LUZP2: variants seen among roughly 807,000 people sequenced by gnomAD.
LUZP2 encodes leucine zipper protein 2.
A neutral mutation model predicts 51.6 loss-of-function variants in LUZP2; 52 were observed. The ratio of observed to expected loss-of-function variants is 1.01; its 90% CI spans 0.81 to 1.27. The LOEUF (loss-of-function observed/expected upper bound fraction) is 1.27. LUZP2 is among the 50% of genes most tolerant of loss of function. The pLI is 0.00. For synonymous variants in LUZP2, 154 were observed against 137.3 expected (o/e 1.12, Z -0.85); for missense variants, 436 against 395.4 (o/e 1.10, Z -0.87).
chr11:24,871,900 T>C (rs1258054933), intron 5 of LUZP2, among the ~76,000 whole-genome samples: 1 of 152,142 alleles, frequency 6.6e-6, no homozygotes, highest in Non-Finnish European at 1.5e-5. Context: ...TATAATAGTA[T>C]ACAGTGATGT....
intron 6 of LUZP2, among the ~76,000 whole-genome samples, chr11:24,908,091 C>A (rs1375123882): frequency 6.6e-6 from 1 of 151,956 alleles, no homozygotes; most frequent in Non-Finnish European, 1.5e-5. Context: ...CCATCACTAC[C>A]AAAAACAAAA....
At chr11:24,728,474 AAC>A (rs1359107815) in intron 1 of LUZP2, among the ~76,000 whole-genome samples, 1 of 151,912 alleles carries the variant, frequency 6.6e-6, no homozygotes, top group African/African-American at 2.4e-5. Flanking sequence ...TAACTTTCTT[AAC>A]AGTCACCTGT....
chr11:24,805,988 G>T (rs1036999766), intron 5 of LUZP2, among the ~76,000 whole-genome samples: 1 of 152,262 alleles, frequency 6.6e-6, no homozygotes, highest in South Asian at 2.1e-4. Context: ...CAGAAAGCCT[G>T]TTGCAAAGAA....
intron 5 of LUZP2, chr11:24,891,287 A>T: frequency 1.0e-6 from 1 of 981,980 alleles, no homozygotes; most frequent in African/African-American, 1.7e-5. Flanking sequence ...TAGCAATTCT[A>T]CTTCTCTAAT....
chr11:24,954,823 A>G (rs770277926), intron 7 of LUZP2, among the ~76,000 whole-genome samples: 1 of 152,122 alleles, frequency 6.6e-6, no homozygotes, highest in African/African-American at 2.4e-5. Flanking sequence ...TCTACAAGAT[A>G]GTATAACATA....
At chr11:24,770,691 T>G (rs1860376158) in intron 5 of LUZP2, among the ~76,000 whole-genome samples, 1 of 152,236 alleles carries the variant, frequency 6.6e-6, no homozygotes, top group Admixed American at 6.5e-5. Context: ...AGGAATATGA[T>G]GAATAAAACA....
At chr11:25,018,010 T>C (rs958994522) in intron 9 of LUZP2, among the ~76,000 whole-genome samples, 3 of 150,682 alleles carry the variant, frequency 2.0e-5, no homozygotes, top group Non-Finnish European at 3.0e-5. Context: ...TGATTAAGTA[T>C]ATCCCTAGGT....
At chr11:24,599,756 A>G (rs1853558440) in intron 1 of LUZP2, among the ~76,000 whole-genome samples, 2 of 152,182 alleles carry the variant, frequency 1.3e-5, no homozygotes, top group Admixed American at 6.6e-5. Context: ...GCTGAGATAT[A>G]CTGAGATATT....
chr11:24,665,415 T>A lies in LUZP2; in HGVS notation c.63-63754T>A, dbSNP rs575062750. 2.6e-5 allele frequency among the ~76,000 whole-genome samples: 4 copies of A among 152,280 alleles called. No homozygotes were observed. In the South Asian group the frequency reaches 8.3e-4, roughly 32 times the overall value. The stretch of plus-strand genomic sequence containing the variant: ...TTGGACTTTTGAGTTAATGCTGGAA[T>A]GAGTTAAGACTTTGGGAGACTGTTG... On this transcript the variant is annotated intron_variant, in intron 1 of 11. Coordinates refer to ENST00000336930, the MANE Select transcript of LUZP2 (RefSeq NM_001009909.4).
chr11:24,725,124 A>G (rs1403155988), intron 1 of LUZP2, among the ~76,000 whole-genome samples: 1 of 152,214 alleles, frequency 6.6e-6, no homozygotes, highest in Non-Finnish European at 1.5e-5. Context: ...AAATTCATTC[A>G]GAAGAAACAA....
intron 1 of LUZP2, among the ~76,000 whole-genome samples, chr11:24,696,131 G>T (rs1356672271): frequency 2.6e-5 from 4 of 152,066 alleles, no homozygotes; most frequent in African/African-American, 7.2e-5. Flanking sequence ...AAGCCATGGG[G>T]ACAGTGGTCT....
chr11:25,015,112 A>AAATGTTATT (rs1565230099), intron 9 of LUZP2, among the ~76,000 whole-genome samples: 2 of 152,180 alleles, frequency 1.3e-5, no homozygotes, highest in Admixed American at 6.6e-5. Flanking sequence ...TAATTTTAGA[A>AAATGTTATT]AATGTTATTA....
At chr11:24,759,574 G>A (rs1017620449) in intron 4 of LUZP2, among the ~76,000 whole-genome samples, 5 of 151,986 alleles carry the variant, frequency 3.3e-5, no homozygotes, top group South Asian at 2.1e-4. Context: ...TGAACAATGC[G>A]TGCAGTATCC....
Position 24,926,413 on chromosome 11 carries a change from GTA to G in LUZP2, c.522+11883_522+11884del, listed in dbSNP as rs1221079145. ...TACGTGTGTATATATATATACGTGT[GTA>G]TATATATGTGTGTATATATATACGT... On this transcript the variant is annotated intron_variant, in intron 7 of 11. Coordinates refer to ENST00000336930, the MANE Select transcript of LUZP2 (RefSeq NM_001009909.4). Among the ~76,000 whole-genome samples, 278 of 126,156 alleles carry G rather than the reference GTA, an allele frequency of 2.2e-3. 4 individuals carry two copies. Among genetic ancestry groups the G allele is most frequent in the Non-Finnish European group, 2.9e-3 (174 of 59,658 alleles). 82.8% of individuals were successfully genotyped at this position (126,156 alleles called of 152,430 possible).
intron 5 of LUZP2, among the ~76,000 whole-genome samples, chr11:24,864,262 G>A (rs569769479): frequency 6.6e-6 from 1 of 152,146 alleles, no homozygotes; most frequent in African/African-American, 2.4e-5. Context: ...TCATCAAGGA[G>A]GATTATTGAC....
intron 5 of LUZP2, among the ~76,000 whole-genome samples, chr11:24,832,455 TA>T (rs911026674): frequency 6.6e-6 from 1 of 151,786 alleles, no homozygotes; most frequent in Non-Finnish European, 1.5e-5. Flanking sequence ...TGTTTTATTT[TA>T]AAAAAAGTTG....
At chr11:24,958,787 GTTGCCA>G (rs1855293258) in intron 7 of LUZP2, among the ~76,000 whole-genome samples, 3 of 152,218 alleles carry the variant, frequency 2.0e-5, no homozygotes, top group Admixed American at 2.0e-4. Flanking sequence ...TTTGGCTTTT[GTTGCCA>G]TTGCTTTTGG....
chr11:24,726,749 C>T (rs148138233), intron 1 of LUZP2, among the ~76,000 whole-genome samples: 1 of 151,988 alleles, frequency 6.6e-6, no homozygotes, highest in East Asian at 1.9e-4. Context: ...GGAAAGTGCT[C>T]TAAGACATAT....
At chr11:24,623,140 G>C (rs752557294) in intron 1 of LUZP2, among the ~76,000 whole-genome samples, 1 of 151,680 alleles carries the variant, frequency 6.6e-6, no homozygotes, top group East Asian at 1.9e-4. Flanking sequence ...GAGAGAAGCA[G>C]GCATTTACTG....
Sources: gnomAD v4.1 joint callset for allele counts (sites outside exome capture counted in the v4.1 genomes callset) on GRCh38, gnomAD v4.1.1 for gene constraint, MANE v1.5 for transcripts, NCBI Gene and HGNC (gene_info 2026-07-23, HGNC 2026-07-21) for gene names.